Variants in CSMD1 observed in about 807,000 individuals in gnomAD.
CSMD1 encodes CUB and sushi domain-containing protein 1.
Under a neutral mutation model 417.5 loss-of-function variants are expected in CSMD1, and 213 were observed. That is an observed-to-expected ratio of 0.51 (90% CI 0.46 to 0.57). CSMD1 has a LOEUF of 0.57. CSMD1 is among the 20% of genes least tolerant of loss of function. CSMD1 has a pLI of 0.00. For missense variants in CSMD1, 6,923 were observed against 4,529.7 expected (o/e 1.53, Z -15.17); for synonymous variants, 2,862 against 1,736.8 (o/e 1.65, Z -16.11).
At chr8:3,707,833 G>C (rs1445319471) in intron 7 of CSMD1, among the ~76,000 whole-genome samples, 1 of 152,178 alleles carries the variant, frequency 6.6e-6, no homozygotes, top group African/African-American at 2.4e-5. Context: ...GCATTTAGGA[G>C]AAGGCACCAA....
intron 1 of CSMD1, among the ~76,000 whole-genome samples, chr8:4,913,384 T>C (rs1194394467): frequency 3.3e-5 from 5 of 152,184 alleles, no homozygotes; most frequent in African/African-American, 4.8e-5. Flanking sequence ...CATTGCTTTT[T>C]CTTGATTGTT....
intron 18 of CSMD1, among the ~76,000 whole-genome samples, chr8:3,376,730 G>T (rs1490000218): frequency 6.6e-6 from 1 of 152,044 alleles, no homozygotes; most frequent in Non-Finnish European, 1.5e-5. Context: ...CTGAACTGAT[G>T]CTATGCACCC....
chr8:3,793,374 G>C (rs564178944), intron 5 of CSMD1, among the ~76,000 whole-genome samples: 1 of 152,086 alleles, frequency 6.6e-6, no homozygotes, highest in East Asian at 1.9e-4. Flanking sequence ...TTCTTTTTCT[G>C]TTCAGAAACC....
intron 49 of CSMD1, among the ~76,000 whole-genome samples, chr8:3,054,935 C>A (rs766779663): frequency 1.2e-4 from 18 of 152,182 alleles, no homozygotes; most frequent in Non-Finnish European, 2.1e-4. Flanking sequence ...AGAGACCCAT[C>A]CTTTCTTTTC....
chr8:4,407,995 G>C (rs1189708269), intron 3 of CSMD1, among the ~76,000 whole-genome samples: 1 of 152,118 alleles, frequency 6.6e-6, no homozygotes, highest in Non-Finnish European at 1.5e-5. Flanking sequence ...GGAGAAAACT[G>C]CAAGTCCCCA....
chr8:3,915,974 G>A (rs1808795189), intron 5 of CSMD1, among the ~76,000 whole-genome samples: 1 of 151,324 alleles, frequency 6.6e-6, no homozygotes, highest in Non-Finnish European at 1.5e-5. Flanking sequence ...GGAAGCATTT[G>A]AGTGAGATTC....
At chr8:4,291,206 T>C (rs986867943) in intron 3 of CSMD1, among the ~76,000 whole-genome samples, 1 of 152,058 alleles carries the variant, frequency 6.6e-6, no homozygotes, top group Non-Finnish European at 1.5e-5. Flanking sequence ...GTATTTTAAT[T>C]TTAAAAACAA....
chr8:4,897,318 T>G (rs1804561316), intron 1 of CSMD1, among the ~76,000 whole-genome samples: 1 of 152,020 alleles, frequency 6.6e-6, no homozygotes, highest in Non-Finnish European at 1.5e-5. Flanking sequence ...AAAATAGAGT[T>G]TTACCAAGTA....
chr8:4,989,034 T>C (rs573184983), intron 1 of CSMD1, among the ~76,000 whole-genome samples: 1 of 152,352 alleles, frequency 6.6e-6, no homozygotes, highest in South Asian at 2.1e-4. Context: ...TTTAAAGTCC[T>C]TATGGAAAAG....
intron 3 of CSMD1, among the ~76,000 whole-genome samples, chr8:4,042,923 C>CAAGACCAGTCTGGCCA (rs1563355509): frequency 6.9e-6 from 1 of 145,362 alleles, no homozygotes; most frequent in Non-Finnish European, 1.5e-5. Context: ...TTCAGGAGTT[C>CAAGACCAGTCTGGCCA]AAGACCAGTC....
intron 14 of CSMD1, among the ~76,000 whole-genome samples, chr8:3,406,550 T>A (rs1038940732): frequency 6.6e-6 from 1 of 152,124 alleles, no homozygotes; most frequent in African/African-American, 2.4e-5. Context: ...ATTTCTCTCG[T>A]TAGAATCCTG....
At chr8:3,288,557 T>A (rs1283944423) in intron 25 of CSMD1, among the ~76,000 whole-genome samples, 1 of 147,464 alleles carries the variant, frequency 6.8e-6, no homozygotes, top group Non-Finnish European at 1.5e-5. Flanking sequence ...AATTTATCCA[T>A]TTCTTCTAGA....
chr8:3,539,556 G>A (rs150917381), intron 10 of CSMD1, among the ~76,000 whole-genome samples: 8 of 152,046 alleles, frequency 5.3e-5, no homozygotes, highest in Non-Finnish European at 1.2e-4. Flanking sequence ...AAGGAAAAGC[G>A]TGATTCAGAA....
chr8:3,262,799 G>A (rs1332387563), intron 26 of CSMD1, among the ~76,000 whole-genome samples: 17 of 152,190 alleles, frequency 1.1e-4, no homozygotes, highest in Admixed American at 9.2e-4. Flanking sequence ...ATGCCATAAT[G>A]TATACCTATT....
intron 11 of CSMD1, among the ~76,000 whole-genome samples, chr8:3,469,752 C>G (rs546311027): frequency 5.5e-4 from 84 of 152,258 alleles, no homozygotes; most frequent in African/African-American, 1.9e-3. Context: ...TTAGGCAGTA[C>G]AGAGCACCGG....
At chr8:4,175,878 G>C (rs142653609) in intron 3 of CSMD1, among the ~76,000 whole-genome samples, 31 of 152,244 alleles carry the variant, frequency 2.0e-4, no homozygotes, top group African/African-American at 6.7e-4. Context: ...GCGAGTAATG[G>C]GGTCCAGTTG....
At chr8:3,962,979 C>G (rs1268064056) in intron 5 of CSMD1, among the ~76,000 whole-genome samples, 1 of 152,142 alleles carries the variant, frequency 6.6e-6, no homozygotes, top group Non-Finnish European at 1.5e-5. Context: ...CTCCGTCACC[C>G]AGGCTGGAGT....
chr8:4,401,257 G>C (rs964377280), intron 3 of CSMD1, among the ~76,000 whole-genome samples: 20 of 152,044 alleles, frequency 1.3e-4, no homozygotes, highest in Non-Finnish European at 2.9e-5. Context: ...TAAAATATTA[G>C]ATATATGTCT....
At chr8:3,051,378 G>C (rs1159752272) in intron 50 of CSMD1, among the ~76,000 whole-genome samples, 1 of 152,208 alleles carries the variant, frequency 6.6e-6, no homozygotes, top group Non-Finnish European at 1.5e-5. Context: ...TCTCCTGTAA[G>C]TGGGAGCTAA....
Sources: allele counts gnomAD v4.1 joint callset (sites outside exome capture counted in the v4.1 genomes callset), GRCh38; gene constraint gnomAD v4.1.1; transcripts MANE v1.5; gene names NCBI Gene and HGNC (gene_info 2026-07-23, HGNC 2026-07-21).